Variants in TRPM2 observed in about 807,000 individuals in gnomAD.
TRPM2 encodes the protein transient receptor potential cation channel subfamily M member 2.
Under a neutral mutation model 174.0 loss-of-function variants are expected in TRPM2, and 161 were observed. The ratio of observed to expected loss-of-function variants is 0.93; its 90% CI spans 0.81 to 1.05. The LOEUF (loss-of-function observed/expected upper bound fraction) is 1.05, where lower values mean the gene tolerates loss of function less well. TRPM2 is among the 50% of genes least tolerant of loss of function. The pLI, the probability that TRPM2 is intolerant of heterozygous loss-of-function variation, is 0.00. For missense variants in TRPM2, 2,057 were observed against 2,038.0 expected (o/e 1.01, Z -0.18); for synonymous variants, 954 against 861.3 (o/e 1.11, Z -1.88).
chr21:44,380,448 A>G (rs1221919191), intron 8 of TRPM2, among the ~76,000 whole-genome samples: 1 of 152,162 alleles, frequency 6.6e-6, no homozygotes, highest in Non-Finnish European at 1.5e-5. Context: ...TTGATAAATT[A>G]TTCAGGCAAT....
intron 11 of TRPM2, 117 bp from the exon 12 acceptor site, chr21:44,395,297 A>G: frequency 5.5e-6 from 7 of 1,279,374 alleles, no homozygotes; most frequent in Non-Finnish European, 3.2e-6. Flanking sequence ...TTCTCCAGGG[A>G]CAGTGAGATC....
At chr21:44,410,050 T>A (rs1164352742) in intron 19 of TRPM2, among the ~76,000 whole-genome samples, 1 of 151,466 alleles carries the variant, frequency 6.6e-6, no homozygotes, top group Non-Finnish European at 1.5e-5. Context: ...TAGTAAGTTT[T>A]GATCGCGCTG....
intron 2 of TRPM2, among the ~76,000 whole-genome samples, chr21:44,359,927 T>C (rs948888165): frequency 6.6e-6 from 1 of 151,942 alleles, no homozygotes; most frequent in African/African-American, 2.4e-5. Flanking sequence ...TTTGTATTTT[T>C]AGTAGAGACA....
At chr21:44,351,359 C>T (rs905249748), upstream of TRPM2, among the ~76,000 whole-genome samples, 1 of 152,262 alleles carries the variant, frequency 6.6e-6, no homozygotes, top group African/African-American at 2.4e-5. Context: ...CCAACCCACA[C>T]TCCCTGGGGC....
rs1044573523 is a variant in TRPM2, at chr21:44,441,552, C to T, written c.4387-140C>T. 1.1e-5 allele frequency: 13 copies of T among 1,206,562 alleles called. No homozygotes were observed. The African/African-American group carries it at 1.7e-4, about 16-fold the overall frequency. The allele number at this position is 1,206,562 out of a possible 1,614,324, so 74.7% of individuals were successfully genotyped here. On this transcript the variant is annotated intron_variant, in intron 31 of 31. Transcript: ENST00000397928. ...GGGTGCATCTCTGGTGCACCTGACG[C>T]AGGGGTCCTGCCTCCCATTTCACAG...
chr21:44,415,073 C>T (rs1172192682), intron 20 of TRPM2: 2 of 152,298 alleles, frequency 1.3e-5, no homozygotes, highest in African/African-American at 2.4e-5. Flanking sequence ...GGTGCCTTCC[C>T]CAGAGCTCCG....
chr21:44,366,902 G>A lies in TRPM2; in HGVS notation c.572G>A (p.Arg191His), dbSNP rs200511816. The stretch of plus-strand genomic sequence containing the variant: ...AAGCCGCGGCTGAAGAGCATTTTCC[G>A]CAGAGGCCTGGTCAAGGTGGCTCAG... ...NMKPRLKSIF[R>H]RGLVKVAQTT... Residue 191 changes from arginine to histidine, a missense_variant, in exon 4 of 32, where the codon CGC becomes CAC. Coordinates refer to ENST00000397928, the MANE Select transcript of TRPM2 (RefSeq NM_003307.4). This position sits in a 1 kb window ranked among gnomAD's most constrained non-coding sequence, Gnocchi z 6.0. 24 of 1,608,580 alleles carry A rather than the reference G, an allele frequency of 1.5e-5. No homozygotes were observed. Among genetic ancestry groups the A allele is most frequent in the Non-Finnish European group, 1.9e-5 (22 of 1,176,684 alleles).
chr21:44,391,308 A>T lies in TRPM2; in HGVS notation c.1477A>T (p.Ile493Phe). Residue 493 changes from isoleucine to phenylalanine, a missense_variant, in exon 11 of 32, where the codon ATC becomes TTC. By Grantham distance (21) the Ile-to-Phe change is conservative. Transcript: ENST00000397928. The surrounding 1 kb of genome is among the most constrained non-coding windows in gnomAD (Gnocchi z 5.0). ...DLHPTMTAAL[I>F]SNKPEFVKLF... ...GCACCCCACGATGACAGCTGCACTCATCTCCAACAAGCCTGAGTTTGTGAA... is the reference window on the plus strand; with the variant it reads ...GCACCCCACGATGACAGCTGCACTCTTCTCCAACAAGCCTGAGTTTGTGAA... 6.2e-7 allele frequency: 1 copy of T among 1,614,078 alleles called. No individual in the cohort carries two copies. The highest frequency in any genetic ancestry group is 8.5e-7 in the Non-Finnish European group (1 of 1,180,028).
At position 44,366,948 on chromosome 21, in the gene TRPM2, T is replaced by C. The variant is rs1454214925; in HGVS notation, c.604+14T>C. 6.4e-7 allele frequency: 1 copy of C among 1,563,114 alleles called. No individual in the cohort carries two copies. Among genetic ancestry groups the C allele is most frequent in the Non-Finnish European group, 8.7e-7 (1 of 1,150,584 alleles). On this transcript the variant is annotated intron_variant, in intron 4 of 31. Transcript: ENST00000397928. The surrounding 1 kb of genome is among the most constrained non-coding windows in gnomAD (Gnocchi z 6.0). ...CTCAGACCACAGGTAACTCGGAGGC[T>C]GGAGGGACACGAGGCCCCGGCGGGT... is the stretch of plus-strand genomic sequence containing the variant.
chr21:44,417,744 G>A (rs1471875337), intron 20 of TRPM2, among the ~76,000 whole-genome samples, 183 bp from the exon 21 acceptor site: 3 of 146,948 alleles, frequency 2.0e-5, no homozygotes, highest in Non-Finnish European at 3.0e-5. Flanking sequence ...ACGTGGGCGT[G>A]GCTCTGCTCT....
intron 8 of TRPM2, among the ~76,000 whole-genome samples, chr21:44,380,665 A>G (rs61370975): frequency 0.039 from 5,894 of 152,152 alleles, 338 homozygotes; most frequent in African/African-American, 0.12. Context: ...ACGCCTTCTC[A>G]GAGTGTCCGT....
At position 44,405,237 on chromosome 21, in the gene TRPM2, C is replaced by T; in HGVS notation, c.2634C>T (p.Leu878=). ...WNKLDVGAIL[L]FVAGLTCRLI... is the part of the protein sequence containing the mutation. ...AGCTGGACGTCGGCGCAATCTTGCT[C>T]TTCGTGGCAGGGCTGACCTGCAGGT... The change falls in exon 17 of 32, where the codon CTC becomes CTT. Residue 878 remains leucine, a synonymous_variant. Transcript: ENST00000397928. The T allele has an allele frequency of 6.2e-7, 1 of 1,613,288 alleles. No homozygotes were observed. Among genetic ancestry groups the T allele is most frequent in the South Asian group, 1.1e-5 (1 of 91,082 alleles).
chr21:44,379,746 C>A (rs775313469), intron 8 of TRPM2, among the ~76,000 whole-genome samples: 9 of 152,224 alleles, frequency 5.9e-5, no homozygotes, highest in Admixed American at 1.3e-4. Context: ...CTGGCCACCC[C>A]ACCAAGCCCT....
At chr21:44,417,811 G>A (rs2050361778) in intron 20 of TRPM2, 116 bp from the exon 21 acceptor site, 1 of 1,047,640 alleles carries the variant, frequency 9.5e-7, no homozygotes, top group South Asian at 1.5e-5. Context: ...CATCACAGTG[G>A]GCATGTGGGC....
intron 27 of TRPM2, among the ~76,000 whole-genome samples, chr21:44,433,453 G>A (rs548840179): frequency 1.1e-4 from 16 of 152,340 alleles, no homozygotes; most frequent in Middle Eastern, 3.4e-3. Flanking sequence ...GAATTTGTCC[G>A]TGGCCTTGGT....
intron 27 of TRPM2, among the ~76,000 whole-genome samples, chr21:44,431,409 G>A (rs2051017708): frequency 1.3e-5 from 2 of 151,924 alleles, no homozygotes; most frequent in African/African-American, 4.8e-5. Context: ...CAAGTGCTGG[G>A]ATTACAGATG....
chr21:44,377,783 G>A lies in TRPM2; in HGVS notation c.1014+10G>A, dbSNP rs1156511588. The A allele has an allele frequency of 6.2e-7, 1 of 1,613,988 alleles. No individual in the cohort carries two copies. Among genetic ancestry groups the A allele is most frequent in the Non-Finnish European group, 8.5e-7 (1 of 1,179,980 alleles). ...CCCGGGCACGTTGCACGTGAGTATG[G>A]CCAGGTGGGAGGGGGCATGTGTGGG... On this transcript the variant is annotated intron_variant, in intron 7 of 31. Coordinates refer to ENST00000397928, the MANE Select transcript of TRPM2 (RefSeq NM_003307.4).
chr21:44,395,491 CCTT>C lies in TRPM2; in HGVS notation c.1875_1877del (p.Leu626del), dbSNP rs1569057727. The C allele has an allele frequency of 6.2e-7, 1 of 1,612,960 alleles. No individual in the cohort carries two copies. The highest frequency in any genetic ancestry group is 1.3e-5 in the African/African-American group (1 of 75,044). On this transcript the variant is annotated inframe_deletion, in exon 12 of 32. Coordinates refer to ENST00000397928, the MANE Select transcript of TRPM2 (RefSeq NM_003307.4). ...CCTTCACCATGGACCCCATCCGTGA[CCTT>C]CTCATTTGGGCCATTGTCCAGAACC...
Position 44,400,253 on chromosome 21 carries a change from C to G in TRPM2, c.2209-6C>G, listed in dbSNP as rs2049570258. 3 of 1,610,978 alleles carry G rather than the reference C, an allele frequency of 1.9e-6. No individual in the cohort carries two copies. The Admixed American group carries it at 5.0e-5, about 27-fold the overall frequency. On this transcript the variant is annotated splice_polypyrimidine_tract_variant and splice_region_variant and intron_variant, in intron 14 of 31. Transcript: ENST00000397928. ...ACTGCCATCCTGAGACTGCCCCCAT[C>G]CGCAGGCCTTCCTGACCAAGGTGTG...
Sources: gnomAD v4.1 joint callset for allele counts (sites outside exome capture counted in the v4.1 genomes callset) on GRCh38, gnomAD v4.1.1 for gene constraint, Gnocchi (gnomAD v3.1) non-coding constraint, MANE v1.5 for transcripts, NCBI Gene and HGNC (gene_info 2026-07-23, HGNC 2026-07-21) for gene names.